Variants in IGSF21 observed in about 807,000 individuals in gnomAD.
The protein encoded by IGSF21 is immunoglobulin superfamily member 21.
In IGSF21, 28 loss-of-function variants were observed where a neutral mutation model predicts 46.8. That is an observed-to-expected ratio of 0.60 (90% CI 0.44 to 0.82). The LOEUF (loss-of-function observed/expected upper bound fraction) is 0.82, where lower values mean the gene tolerates loss of function less well. Ranked by LOEUF, IGSF21 falls within the 40% of genes least tolerant of loss-of-function variation. The pLI is 0.00. For synonymous variants in IGSF21, 284 were observed against 273.6 expected, an observed-to-expected ratio of 1.04 and a Z score of -0.38; for missense variants, 624 against 665.5, an observed-to-expected ratio of 0.94 and a Z score of 0.69.
chr1:18,243,821 G>A (rs900933666), intron 2 of IGSF21, among the ~76,000 whole-genome samples: 20 of 152,148 alleles, frequency 1.3e-4, no homozygotes, highest in Non-Finnish European at 2.6e-4. Context: ...ACCCTGAGGA[G>A]CGAGCATATG....
chr1:18,164,980 C>A (rs369769314), intron 1 of IGSF21, among the ~76,000 whole-genome samples: 81 of 146,908 alleles, frequency 5.5e-4, no homozygotes, highest in African/African-American at 1.8e-3. Flanking sequence ...TGAGAACATG[C>A]GGTGTTTGGT....
At chr1:18,226,621 C>T (rs1048411393) in intron 1 of IGSF21, among the ~76,000 whole-genome samples, 2 of 152,184 alleles carry the variant, frequency 1.3e-5, no homozygotes. Context: ...CGCTCTGACT[C>T]CAACTTCCAA....
intron 4 of IGSF21, among the ~76,000 whole-genome samples, chr1:18,341,066 T>TTCCTCTTCCTCTTCC (rs1291896112): frequency 0.013 from 845 of 62,638 alleles, 3 homozygotes; most frequent in Non-Finnish European, 0.024. Flanking sequence ...CCTCTTCTTC[T>TTCCTCTTCCTCTTCC]TCTTCTTCTT....
intron 1 of IGSF21, among the ~76,000 whole-genome samples, chr1:18,131,677 G>T (rs758355425): frequency 6.6e-6 from 1 of 152,150 alleles, no homozygotes; most frequent in Non-Finnish European, 1.5e-5. Flanking sequence ...CTCTGTAGGC[G>T]GGTGGTTTTC....
At chr1:18,312,990 C>G (rs1432592222) in intron 3 of IGSF21, among the ~76,000 whole-genome samples, 2 of 152,216 alleles carry the variant, frequency 1.3e-5, no homozygotes, top group Non-Finnish European at 2.9e-5. Flanking sequence ...TGGCATACAG[C>G]AGGGGCTCAG....
chr1:18,246,394 A>T (rs920607363), intron 2 of IGSF21, among the ~76,000 whole-genome samples: 5 of 152,048 alleles, frequency 3.3e-5, no homozygotes, highest in African/African-American at 1.2e-4. Context: ...TCTTCCCAGC[A>T]TCTGACAGCC....
At chr1:18,155,814 G>A (rs540764262) in intron 1 of IGSF21, among the ~76,000 whole-genome samples, 1 of 152,366 alleles carries the variant, frequency 6.6e-6, no homozygotes, top group South Asian at 2.1e-4. Context: ...GGCCTTCCAG[G>A]AGGCCTGGGC....
chr1:18,145,463 C>T (rs573918793), intron 1 of IGSF21, among the ~76,000 whole-genome samples: 6 of 152,130 alleles, frequency 3.9e-5, no homozygotes, highest in Non-Finnish European at 8.8e-5. Flanking sequence ...CCGAGAGCCC[C>T]CAGCCCCTCC....
intron 2 of IGSF21, among the ~76,000 whole-genome samples, chr1:18,252,521 G>A (rs2084852947): frequency 6.6e-6 from 1 of 152,196 alleles, no homozygotes. Context: ...CAGGGGCCAG[G>A]GCCAGGGCCC....
At chr1:18,286,952 C>A (rs576614648) in intron 2 of IGSF21, among the ~76,000 whole-genome samples, 2 of 152,002 alleles carry the variant, frequency 1.3e-5, no homozygotes, top group African/African-American at 2.4e-5. Context: ...GAGGCCGAGG[C>A]GGGCGGATCA....
intron 1 of IGSF21, among the ~76,000 whole-genome samples, chr1:18,153,124 C>T (rs1051064694): frequency 2.0e-5 from 3 of 152,320 alleles, no homozygotes; most frequent in Non-Finnish European, 4.4e-5. Context: ...GCAGCAGCCA[C>T]CACAGGGTCC....
chr1:18,239,602 G>T (rs148749019), intron 2 of IGSF21, among the ~76,000 whole-genome samples: 1 of 152,082 alleles, frequency 6.6e-6, no homozygotes, highest in Admixed American at 6.6e-5. Flanking sequence ...CCCACCATTC[G>T]AATCATATGG....
Position 18,377,043 on chromosome 1 carries a change from T to C in IGSF21, c.1294+51T>C, listed in dbSNP as rs562646682. The C allele has an allele frequency of 3.3e-6, 5 of 1,531,304 alleles. No individual in the cohort carries two copies. In the South Asian group the frequency reaches 6.4e-5, roughly 20 times the overall value. 94.9% of individuals were successfully genotyped at this position (1,531,304 alleles called of 1,614,324 possible). On this transcript the variant is annotated intron_variant, in intron 8 of 9. Coordinates refer to ENST00000251296, the MANE Select transcript of IGSF21 (RefSeq NM_032880.5). Reference sequence around the variant, plus strand: ...GGAGAACAACCACAGGGGCGGGTCCTGTCTGGGAGGTTTCCCCAGGAGGAA... The same window carrying C: ...GGAGAACAACCACAGGGGCGGGTCCCGTCTGGGAGGTTTCCCCAGGAGGAA...
chr1:18,329,990 C>T (rs147063738), intron 3 of IGSF21, among the ~76,000 whole-genome samples: 71 of 152,300 alleles, frequency 4.7e-4, no homozygotes, highest in African/African-American at 1.5e-3. Flanking sequence ...AAACTCCAGC[C>T]GCTAAACTGC....
chr1:18,278,899 G>GGT (rs1416107943), intron 2 of IGSF21: 4 of 471,560 alleles, frequency 8.5e-6, no homozygotes, highest in Non-Finnish European at 1.8e-5. Context: ...TGGGTATATG[G>GGT]GTGTTTGCCT....
intron 1 of IGSF21, 47 bp downstream of exon 1, chr1:18,108,245 G>C: frequency 7.6e-7 from 1 of 1,317,734 alleles, no homozygotes; most frequent in Non-Finnish European, 9.6e-7. Flanking sequence ...AACGTGCGCG[G>C]GGACGGGGTG....
At chr1:18,345,771 C>A (rs746362508) in intron 4 of IGSF21, among the ~76,000 whole-genome samples, 1 of 152,136 alleles carries the variant, frequency 6.6e-6, no homozygotes, top group Admixed American at 6.5e-5. Flanking sequence ...CTTCTAAGGT[C>A]GATTCTGTGA....
At chr1:18,139,815 C>G (rs1283801528) in intron 1 of IGSF21, among the ~76,000 whole-genome samples, 1 of 152,176 alleles carries the variant, frequency 6.6e-6, no homozygotes, top group Non-Finnish European at 1.5e-5. Context: ...AACTCATTGC[C>G]TGAGGCAGCA....
At chr1:18,328,845 G>A (rs4920478) in intron 3 of IGSF21, among the ~76,000 whole-genome samples, 48,870 of 152,052 alleles carry the variant, frequency 0.32, 9,489 homozygotes, top group Non-Finnish European at 0.42. Flanking sequence ...CCAGTGGAAA[G>A]GCAAAACCAG....
Sources: gnomAD v4.1 joint callset for allele counts (sites outside exome capture counted in the v4.1 genomes callset) on GRCh38, gnomAD v4.1.1 for gene constraint, MANE v1.5 for transcripts, NCBI Gene and HGNC (gene_info 2026-07-23, HGNC 2026-07-21) for gene names.